The following AGMAT variants were observed in gnomAD, a reference collection of about 807,000 sequenced individuals.
The protein encoded by AGMAT is agmatinase (putative), also known as guanidino acid hydrolase, mitochondrial.
Under a neutral mutation model 29.3 loss-of-function variants are expected in AGMAT, and 37 were observed. That is an observed-to-expected ratio of 1.26 (90% CI 0.97 to 1.66). The LOEUF (loss-of-function observed/expected upper bound fraction) is 1.66, where lower values mean the gene tolerates loss of function less well. Ranked by LOEUF, AGMAT falls within the 40% of genes most tolerant of loss-of-function variation. The pLI is 0.00. For missense variants in AGMAT, 498 were observed against 497.8 expected, an observed-to-expected ratio of 1.00 and a Z score of 0.00; for synonymous variants, 199 against 200.8, an observed-to-expected ratio of 0.99 and a Z score of 0.08.
intron 6 of AGMAT, 143 bp from the exon 7 acceptor site, chr1:15,573,867 T>C: frequency 1.6e-6 from 1 of 625,500 alleles, no homozygotes; most frequent in Non-Finnish European, 2.9e-6. Context: ...CCGCCAGCTG[T>C]GAACACGCTT....
chr1:15,577,893 C>T (rs1639061466), intron 4 of AGMAT, 29 bp from the exon 5 acceptor site: 1 of 1,604,408 alleles, frequency 6.2e-7, no homozygotes, highest in Non-Finnish European at 8.5e-7. Flanking sequence ...AGGTTTCTGT[C>T]TGGCAGCATT....
chr1:15,584,984 G>A lies in AGMAT; in HGVS notation c.-17C>T. 7.7e-7 allele frequency: 1 copy of A among 1,298,440 alleles called. No individual in the cohort carries two copies. Among genetic ancestry groups the A allele is most frequent in the Non-Finnish European group, 9.7e-7 (1 of 1,028,120 alleles). The allele number at this position is 1,298,440 out of a possible 1,614,324, so 80.4% of individuals were successfully genotyped here. A position where few individuals can be genotyped will look rare whatever the true frequency, so the allele number is the denominator to read the frequency against. Reference sequence around the variant, plus strand: ...CCTCAGCATTGCCGCGCGCGGCCAAGACCTCACCGACCAAACCGCCCGCGA... The same window carrying A: ...CCTCAGCATTGCCGCGCGCGGCCAAAACCTCACCGACCAAACCGCCCGCGA... On this transcript the variant is annotated 5_prime_UTR_variant, in exon 1 of 7. Coordinates refer to ENST00000375826, the MANE Select transcript of AGMAT (RefSeq NM_024758.5).
chr1:15,581,365 AAG>A (rs1411676562), intron 2 of AGMAT, among the ~76,000 whole-genome samples: 2 of 152,068 alleles, frequency 1.3e-5, no homozygotes, highest in African/African-American at 4.8e-5. Context: ...AAATAAATAA[AAG>A]AGGAAATTAG....
At chr1:15,579,634 G>A (rs768098529) in intron 3 of AGMAT, among the ~76,000 whole-genome samples, 1 of 152,116 alleles carries the variant, frequency 6.6e-6, no homozygotes, top group African/African-American at 2.4e-5. Context: ...AGCCAAAGTC[G>A]GCCAATCCTG....
At chr1:15,582,171 A>G (rs1452249393) in intron 2 of AGMAT, among the ~76,000 whole-genome samples, 1 of 87,984 alleles carries the variant, frequency 1.1e-5, no homozygotes, top group African/African-American at 6.7e-5. Flanking sequence ...CAGGAGGCTG[A>G]GACAGAATTG....
At chr1:15,577,613 C>T (rs1053922090) in intron 5 of AGMAT, 72 bp downstream of exon 5, 1 of 1,421,924 alleles carries the variant, frequency 7.0e-7, no homozygotes, top group Non-Finnish European at 9.6e-7. Context: ...CCTAAAGATT[C>T]GCTTCAAGTC....
chr1:15,584,692 T>C lies in AGMAT; in HGVS notation c.272+4A>G, dbSNP rs1418843256. ...GTACCCGGCCCCCGTCCTTCCGGCC[T>C]TACCTCGCCCCAGGCCGGTTGGAGG... On this transcript the variant is annotated splice_donor_region_variant and intron_variant, in intron 1 of 6. Transcript: ENST00000375826. 3.8e-6 allele frequency: 5 copies of C among 1,321,528 alleles called. No individual in the cohort carries two copies. Among genetic ancestry groups the C allele is most frequent in the Non-Finnish European group, 3.9e-6 (4 of 1,030,334 alleles). 81.9% of individuals were successfully genotyped at this position (1,321,528 alleles called of 1,614,324 possible).
At chr1:15,579,583 C>T (rs1466998232) in intron 3 of AGMAT, among the ~76,000 whole-genome samples, 1 of 152,216 alleles carries the variant, frequency 6.6e-6, no homozygotes, top group African/African-American at 2.4e-5. Flanking sequence ...GGAGCTGCCA[C>T]CCTCCACCCG....
intron 1 of AGMAT, among the ~76,000 whole-genome samples, chr1:15,584,316 CTTTTTTTTG>C (rs1639154798): frequency 6.7e-6 from 1 of 150,036 alleles, no homozygotes; most frequent in African/African-American, 2.5e-5. Context: ...CTTTTTTTTT[CTTTTTTTTG>C]TACCTTTGTA....
At chr1:15,574,485 T>G (rs1639003169) in intron 6 of AGMAT, among the ~76,000 whole-genome samples, 1 of 151,888 alleles carries the variant, frequency 6.6e-6, no homozygotes, top group Non-Finnish European at 1.5e-5. Context: ...TCTAAGCGAT[T>G]CTCCTGCCTT....
intron 5 of AGMAT, chr1:15,575,330 T>C (rs1225056277): frequency 6.5e-6 from 1 of 153,868 alleles, no homozygotes; most frequent in Admixed American, 6.4e-5. Context: ...GTTCCCATCC[T>C]GCAGGTGAAA....
chr1:15,577,919 G>T, intron 4 of AGMAT, 55 bp from the exon 5 acceptor site: 5 of 1,558,326 alleles, frequency 3.2e-6, no homozygotes, highest in Non-Finnish European at 4.4e-6. Flanking sequence ...GGCATTTCCT[G>T]TTTGCCAGCC....
intron 4 of AGMAT, 80 bp downstream of exon 4, chr1:15,578,779 C>T: frequency 1.3e-6 from 2 of 1,488,734 alleles, no homozygotes; most frequent in Non-Finnish European, 1.8e-6. Context: ...AGCCCCCGCT[C>T]AATCCCTGGC....
rs1638991404 is a variant in AGMAT at position 15,573,633 on chromosome 1, T to C, written c.*18A>G. ...CTTGTCAGCGACGCAATCTGTTTTG[T>C]CTTGAAGAGCACAAGACTCAGACGG... is the stretch of plus-strand genomic sequence containing the variant. On this transcript the variant is annotated 3_prime_UTR_variant, in exon 7 of 7. Coordinates refer to ENST00000375826, the MANE Select transcript of AGMAT (RefSeq NM_024758.5). 6.2e-7 allele frequency: 1 copy of C among 1,613,326 alleles called. No homozygotes were observed. Among genetic ancestry groups the C allele is most frequent in the Admixed American group, 1.7e-5 (1 of 60,010 alleles).
chr1:15,583,121 C>G (rs1639138925), intron 2 of AGMAT, 72 bp downstream of exon 2: 1 of 1,386,988 alleles, frequency 7.2e-7, no homozygotes, highest in African/African-American at 2.2e-5. Flanking sequence ...TAGCTGTACT[C>G]AAGCCCCTGA....
At chr1:15,574,345 C>T (rs1639001291) in intron 6 of AGMAT, among the ~76,000 whole-genome samples, 1 of 150,634 alleles carries the variant, frequency 6.6e-6, no homozygotes, top group Non-Finnish European at 1.5e-5. Context: ...TGGACATGCT[C>T]AGCTGCTTCC....
rs761451303 is a variant in AGMAT, at chr1:15,573,715, G to T, written c.995C>A (p.Ala332Asp). 8 of 1,613,964 alleles carry T rather than the reference G, an allele frequency of 5.0e-6. No individual in the cohort carries two copies. The Admixed American group carries it at 1.2e-4, about 24-fold the overall frequency. ...AAACAGCAGGTTAGCCGCCAGCAGG[G>T]CTGTGTTCCCTAAGAAAAAGTAAAA... is the stretch of plus-strand genomic sequence containing the variant. Reference protein sequence around the residue: ...SPPYDLSGNTALLAANLLFEM... With the variant: ...SPPYDLSGNTDLLAANLLFEM... The change falls in exon 7 of 7, where the codon GCC becomes GAC. Residue 332 changes from alanine to aspartate, a missense_variant. Physicochemically the swap from Ala to Asp is moderately radical, Grantham distance 126 (BLOSUM62 -2). Coordinates refer to ENST00000375826, the MANE Select transcript of AGMAT (RefSeq NM_024758.5).
chr1:15,576,740 C>CTTTTTTTT lies in AGMAT; in HGVS notation c.900+937_900+944dup, dbSNP rs59203066. Among the ~76,000 whole-genome samples, 51 of 35,786 alleles carry CTTTTTTTT rather than the reference C, an allele frequency of 1.4e-3. 8 individuals are homozygous for CTTTTTTTT. Among genetic ancestry groups the CTTTTTTTT allele is most frequent in the East Asian group, 3.9e-3 (2 of 514 alleles). The allele number at this position is 35,786 out of a possible 152,430, so 23.5% of individuals were successfully genotyped here. ...ACGACACCTGGCCAAGTTTAGTGTTCTTTTTTTTTTTTTTTTTTTTTTTTT... is the reference window on the plus strand; with the variant it reads ...ACGACACCTGGCCAAGTTTAGTGTTCTTTTTTTTTTTTTTTTTTTTTTTTTTTTTTTTT... On this transcript the variant is annotated intron_variant, in intron 5 of 6. Transcript: ENST00000375826.
rs1482690253 is a variant in AGMAT at position 15,572,759 on chromosome 1, T to TA, written c.*891dup. On this transcript the variant is annotated 3_prime_UTR_variant, in exon 7 of 7. Transcript: ENST00000375826. Reference sequence around the variant, plus strand: ...TCCGTGTTACTTTATACTTTTTACTTACGTTCACAGTGGTCCTAAAACCAA... The same window carrying TA: ...TCCGTGTTACTTTATACTTTTTACTTAACGTTCACAGTGGTCCTAAAACCAA... 2.0e-5 allele frequency: 3 copies of TA among 152,020 alleles called. No individual in the cohort carries two copies. Among genetic ancestry groups the TA allele is most frequent in the Non-Finnish European group, 2.9e-5 (2 of 68,040 alleles). The allele number at this position is 152,020 out of a possible 1,614,324, so 9.4% of individuals were successfully genotyped here.
Sources: allele counts gnomAD v4.1 joint callset (sites outside exome capture counted in the v4.1 genomes callset), GRCh38; gene constraint gnomAD v4.1.1; transcripts MANE v1.5; gene names NCBI Gene and HGNC (gene_info 2026-07-23, HGNC 2026-07-21).